The following USH2A variants were observed in gnomAD, a reference collection of about 807,000 sequenced individuals.
USH2A encodes usherin, also known as Usher syndrome 2A (autosomal recessive, mild).
USH2A carries 443 observed loss-of-function variants against 538.9 expected under a neutral mutation model. That is an observed-to-expected ratio of 0.82 (90% CI 0.76 to 0.89). The LOEUF (loss-of-function observed/expected upper bound fraction) is 0.89. Among genes scored for constraint, USH2A ranks in the 40% least tolerant of loss-of-function variants. The pLI is 0.00. For synonymous variants in USH2A, 2,413 were observed against 2,273.5 expected (o/e 1.06, Z -1.75); for missense variants, 6,633 against 6,324.8 (o/e 1.05, Z -1.65).
chr1:215,630,390 A>T (rs981190434), intron 70 of USH2A: 1 of 404,688 alleles, frequency 2.5e-6, no homozygotes, highest in Non-Finnish European at 4.9e-6. Context: ...CCTAGGATAC[A>T]TACCTGCATA....
intron 38 of USH2A, among the ~76,000 whole-genome samples, chr1:215,930,658 T>C (rs1666340070): frequency 6.6e-6 from 1 of 151,994 alleles, no homozygotes; most frequent in South Asian, 2.1e-4. Context: ...GTTTGACTGA[T>C]AAAAGAGCCA....
intron 38 of USH2A, among the ~76,000 whole-genome samples, chr1:215,926,511 C>T (rs1166460086): frequency 2.6e-5 from 4 of 151,766 alleles, no homozygotes; most frequent in Non-Finnish European, 5.9e-5. Flanking sequence ...GTAGCATTGT[C>T]CTGCCTCTCC....
chr1:216,408,055 T>G (rs2039425559), intron 3 of USH2A, among the ~76,000 whole-genome samples: 1 of 152,174 alleles, frequency 6.6e-6, no homozygotes, highest in South Asian at 2.1e-4. Context: ...ATTATACAAT[T>G]TATAGCTATT....
chr1:216,048,251 T>A lies in USH2A; in HGVS notation c.6163+283A>T, dbSNP rs1422260175. 3.3e-5 allele frequency among the ~76,000 whole-genome samples: 5 copies of A among 152,194 alleles called. No homozygotes were observed. The East Asian group carries it at 9.6e-4, about 29-fold the overall frequency. ...AGGAAGCTTTCATTAATCTTTCAGA[T>A]GCTTCATATTAATGACAAGGCTCTT... On this transcript the variant is annotated intron_variant, in intron 31 of 71. Coordinates refer to ENST00000307340, the MANE Select transcript of USH2A (RefSeq NM_206933.4).
chr1:215,630,799 G>T (rs2102627675), intron 70 of USH2A, among the ~76,000 whole-genome samples: 1 of 151,250 alleles, frequency 6.6e-6, no homozygotes, highest in Admixed American at 6.6e-5. Context: ...GTTGCAGTGA[G>T]TCGAGATCAT....
intron 32 of USH2A, among the ~76,000 whole-genome samples, chr1:216,009,292 T>G (rs1365450750): frequency 6.6e-6 from 1 of 152,116 alleles, no homozygotes; most frequent in Non-Finnish European, 1.5e-5. Context: ...TCTTCTCCCT[T>G]AGCCTGTGTT....
At chr1:216,156,295 C>CTTTTTTTTTTTTTTTTTTTTTTT (rs35698520) in intron 21 of USH2A, among the ~76,000 whole-genome samples, 136 of 105,476 alleles carry the variant, frequency 1.3e-3, no homozygotes, top group Non-Finnish European at 1.7e-3. Flanking sequence ...TTTTTTTTTT[C>CTTTTTTTTTTTTTTTTTTTTTTT]TTTTTTTTTT....
chr1:215,936,936 C>T (rs975954702), intron 37 of USH2A, among the ~76,000 whole-genome samples: 1 of 151,948 alleles, frequency 6.6e-6, no homozygotes, highest in Non-Finnish European at 1.5e-5. Context: ...TGGGTAGGTC[C>T]AACAAATTGT....
At position 215,759,996 on chromosome 1, in the gene USH2A, T is replaced by A. The variant is rs111604711; in HGVS notation, c.11048-153A>T. 0.01 allele frequency among the ~76,000 whole-genome samples: 1,598 copies of A among 152,282 alleles called. 18 individuals are homozygous for A. Among genetic ancestry groups the A allele is most frequent in the African/African-American group, 0.036 (1,479 of 41,560 alleles). On this transcript the variant is annotated intron_variant, in intron 56 of 71. Transcript: ENST00000307340. The stretch of plus-strand genomic sequence containing the variant: ...AACAAAAATACATAATTGGTGTAAA[T>A]ATATTTTTATTACTTTGATTATTTT...
intron 54 of USH2A, 117 bp from the exon 55 acceptor site, chr1:215,780,158 G>A: frequency 1.8e-6 from 2 of 1,125,616 alleles, no homozygotes; most frequent in South Asian, 2.7e-5. Flanking sequence ...ATTAGCAGGG[G>A]CTTGGAGAAG....
chr1:215,697,552 G>A (rs183582797), intron 61 of USH2A, among the ~76,000 whole-genome samples: 1 of 151,736 alleles, frequency 6.6e-6, no homozygotes, highest in African/African-American at 2.4e-5. Context: ...ATGGAGTTTC[G>A]TTCTTGTTGA....
chr1:216,158,192 T>C lies in USH2A; in HGVS notation c.4627+17060A>G, dbSNP rs2033987516. 5.3e-5 allele frequency among the ~76,000 whole-genome samples: 8 copies of C among 152,326 alleles called. No homozygotes were observed. In the South Asian group the frequency reaches 1.4e-3, roughly 28 times the overall value. ...TTGATTATTAGAAATAAAGTTGCTATGAACAACTTTGCATGTGCTTTTTAG... is the reference window on the plus strand; with the variant it reads ...TTGATTATTAGAAATAAAGTTGCTACGAACAACTTTGCATGTGCTTTTTAG... On this transcript the variant is annotated intron_variant, in intron 21 of 71. Coordinates refer to ENST00000307340, the MANE Select transcript of USH2A (RefSeq NM_206933.4).
intron 38 of USH2A, among the ~76,000 whole-genome samples, chr1:215,922,650 C>T (rs1278764082): frequency 6.6e-6 from 1 of 152,052 alleles, no homozygotes; most frequent in African/African-American, 2.4e-5. Flanking sequence ...CTCATTAAAA[C>T]ACAGATTGCT....
chr1:216,049,897 C>T (rs1037183432), intron 30 of USH2A, among the ~76,000 whole-genome samples: 3 of 152,206 alleles, frequency 2.0e-5, no homozygotes, highest in Non-Finnish European at 4.4e-5. Flanking sequence ...TGAAAATATT[C>T]ATCCACTTGG....
intron 31 of USH2A, 127 bp from the exon 32 acceptor site, chr1:216,046,719 G>T: frequency 8.8e-7 from 1 of 1,136,022 alleles, no homozygotes; most frequent in Non-Finnish European, 1.3e-6. Flanking sequence ...CCGATTCGTG[G>T]GCAGCTTGTC....
At chr1:215,970,137 A>T (rs1307783560) in intron 36 of USH2A, among the ~76,000 whole-genome samples, 2 of 152,216 alleles carry the variant, frequency 1.3e-5, no homozygotes, top group East Asian at 3.8e-4. Flanking sequence ...TTTAAATACC[A>T]TTCTTATGAA....
At chr1:215,963,630 C>T (rs1667256667) in intron 37 of USH2A, among the ~76,000 whole-genome samples, 1 of 152,054 alleles carries the variant, frequency 6.6e-6, no homozygotes, top group Non-Finnish European at 1.5e-5. Flanking sequence ...GGCTGGTTTT[C>T]GTTGCTGAAG....
intron 9 of USH2A, among the ~76,000 whole-genome samples, chr1:216,312,909 A>G (rs1213308422): frequency 2.0e-5 from 3 of 152,068 alleles, no homozygotes; most frequent in African/African-American, 7.2e-5. Flanking sequence ...TGATGTACTG[A>G]GTAAAGGGAA....
At chr1:215,779,725 A>G (rs1571678726) in intron 55 of USH2A, 118 bp downstream of exon 55, 1 of 1,246,118 alleles carries the variant, frequency 8.0e-7, no homozygotes, top group East Asian at 2.5e-5. Context: ...ATATGTCAAG[A>G]GAACACGTCC....
Sources: gnomAD v4.1 joint callset for allele counts (sites outside exome capture counted in the v4.1 genomes callset) on GRCh38, gnomAD v4.1.1 for gene constraint, MANE v1.5 for transcripts, NCBI Gene and HGNC (gene_info 2026-07-23, HGNC 2026-07-21) for gene names.